DNAJC1: variants seen among roughly 807,000 people sequenced by gnomAD.
DNAJC1 encodes the protein dnaJ homolog subfamily C member 1.
A neutral mutation model predicts 76.6 loss-of-function variants in DNAJC1; 58 were observed. The observed-to-expected ratio is 0.76, with a 90% CI of 0.61 to 0.94. The LOEUF (loss-of-function observed/expected upper bound fraction) is 0.94, where lower values mean the gene tolerates loss of function less well. DNAJC1 is among the 40% of genes least tolerant of loss of function. The pLI is 0.00. For missense variants in DNAJC1, 689 were observed against 677.3 expected, an observed-to-expected ratio of 1.02 and a Z score of -0.19; for synonymous variants, 258 against 267.9, an observed-to-expected ratio of 0.96 and a Z score of 0.36.
At chr10:21,926,505 A>AT (rs1364796075) in intron 3 of DNAJC1, among the ~76,000 whole-genome samples, 2 of 152,244 alleles carry the variant, frequency 1.3e-5, no homozygotes, top group South Asian at 2.1e-4. Context: ...ACCAAAATGC[A>AT]TTTTTTCATA....
chr10:21,955,933 T>G (rs1290256265), intron 1 of DNAJC1, among the ~76,000 whole-genome samples: 1 of 152,226 alleles, frequency 6.6e-6, no homozygotes, highest in Non-Finnish European at 1.5e-5. Flanking sequence ...TCTTAAAAAC[T>G]ACTTTAAAAA....
intron 8 of DNAJC1, among the ~76,000 whole-genome samples, chr10:21,859,471 T>C (rs919994914): frequency 3.3e-5 from 5 of 152,168 alleles, no homozygotes; most frequent in African/African-American, 1.2e-4. Flanking sequence ...AAAATAATGA[T>C]GAACATTTTA....
intron 9 of DNAJC1, among the ~76,000 whole-genome samples, chr10:21,795,073 G>C (rs1300978117): frequency 6.6e-6 from 1 of 151,876 alleles, no homozygotes; most frequent in Non-Finnish European, 1.5e-5. Context: ...GATTTGGGAT[G>C]TCTAACCTAT....
chr10:21,973,643 CA>C (rs1838016158), intron 1 of DNAJC1, among the ~76,000 whole-genome samples: 1 of 150,590 alleles, frequency 6.6e-6, no homozygotes, highest in Admixed American at 6.6e-5. Flanking sequence ...AACTGTGTTT[CA>C]AAACAAATGT....
At chr10:21,977,830 G>A (rs1017835484) in intron 1 of DNAJC1, among the ~76,000 whole-genome samples, 8 of 151,944 alleles carry the variant, frequency 5.3e-5, no homozygotes, top group Admixed American at 5.3e-4. Context: ...CTCTCTTTTG[G>A]AAAGCTGATG....
intron 8 of DNAJC1, among the ~76,000 whole-genome samples, chr10:21,828,797 A>C (rs988501321): frequency 6.6e-6 from 1 of 152,176 alleles, no homozygotes; most frequent in Admixed American, 6.5e-5. Context: ...ACTGACCTAC[A>C]CTTTTTCTTT....
intron 6 of DNAJC1, among the ~76,000 whole-genome samples, chr10:21,911,373 T>C (rs959146473): frequency 6.6e-6 from 1 of 151,516 alleles, no homozygotes; most frequent in Non-Finnish European, 1.5e-5. Flanking sequence ...TGTTCTCCCA[T>C]TGACTTATAC....
At chr10:21,899,759 T>A (rs1022880510) in intron 7 of DNAJC1, among the ~76,000 whole-genome samples, 1 of 152,178 alleles carries the variant, frequency 6.6e-6, no homozygotes, top group Non-Finnish European at 1.5e-5. Flanking sequence ...TTTGGTAGAA[T>A]AGGTATCCTG....
chr10:21,803,744 A>G (rs757924588), intron 9 of DNAJC1: 186 of 727,106 alleles, frequency 2.6e-4, no homozygotes, highest in Non-Finnish European at 2.9e-4. Context: ...GGGTCTATAT[A>G]TATATTGACA....
intron 8 of DNAJC1, among the ~76,000 whole-genome samples, chr10:21,834,803 T>C (rs1489355091): frequency 1.3e-5 from 2 of 152,166 alleles, no homozygotes; most frequent in African/African-American, 4.8e-5. Flanking sequence ...AGTTAGTTGT[T>C]TGATTAGGTA....
chr10:21,947,247 T>C (rs1477817266), intron 1 of DNAJC1, among the ~76,000 whole-genome samples: 1 of 152,200 alleles, frequency 6.6e-6, no homozygotes, highest in Non-Finnish European at 1.5e-5. Flanking sequence ...TAAAAAAATC[T>C]ATATCAGAAT....
Position 21,904,568 on chromosome 10 carries a change from C to G in DNAJC1, c.774G>C (p.Lys258Asn), listed in dbSNP as rs200289319. The G allele has an allele frequency of 5.3e-5, 85 of 1,607,792 alleles. 1 individual carries two copies. In the Admixed American group the frequency reaches 1.3e-3, roughly 24 times the overall value. Residue 258 changes from lysine (K) to asparagine (N), a missense_variant, in exon 7 of 12, where the codon AAG (lysine) becomes AAC (asparagine). Coordinates refer to ENST00000376980, the MANE Select transcript of DNAJC1 (RefSeq NM_022365.4). ...TTCTAGTCAGTGCATCTTCCTTTTC[C>G]TTCAATCTTGTTTCTTTATATTTAG... ...FYAKYKETRL[K>N]EKEDALTRTE... is the part of the protein sequence containing the mutation.
chr10:21,924,984 A>AT (rs1222984048), intron 3 of DNAJC1, among the ~76,000 whole-genome samples: 1 of 152,058 alleles, frequency 6.6e-6, no homozygotes, highest in East Asian at 1.9e-4. Flanking sequence ...AGCACTGGGT[A>AT]TTTTTGTTGC....
At chr10:21,803,589 C>CTGTG (rs113615504) in intron 9 of DNAJC1, among the ~76,000 whole-genome samples, 6,181 of 140,662 alleles carry the variant, frequency 0.044, 316 homozygotes, top group African/African-American at 0.13. Context: ...GAGTGATTTT[C>CTGTG]TGTGTGTGTG....
chr10:21,928,435 A>C lies in DNAJC1; in HGVS notation c.371+71T>G, dbSNP rs1260083231. On this transcript the variant is annotated intron_variant, in intron 3 of 11. Transcript: ENST00000376980. The stretch of plus-strand genomic sequence containing the variant: ...TAACATAATAATAAAATGTTTAAGA[A>C]GACTTAATTCTTTATAAACTGTAGC... The C allele has an allele frequency of 2.3e-6, 3 of 1,292,704 alleles. No homozygotes were observed. In the South Asian group the frequency reaches 4.0e-5, roughly 17 times the overall value. 80.1% of individuals were successfully genotyped at this position (1,292,704 alleles called of 1,614,324 possible).
At chr10:21,987,752 C>G (rs1022958193) in intron 1 of DNAJC1, among the ~76,000 whole-genome samples, 3 of 151,938 alleles carry the variant, frequency 2.0e-5, no homozygotes, top group African/African-American at 7.3e-5. Context: ...AATTGTACAA[C>G]ACTCTTCTTT....
chr10:21,876,399 A>G (rs1381540067), intron 8 of DNAJC1, among the ~76,000 whole-genome samples: 1 of 152,112 alleles, frequency 6.6e-6, no homozygotes, highest in African/African-American at 2.4e-5. Context: ...GGCATGAGCT[A>G]CTGTGCCCAG....
At chr10:21,950,579 T>C (rs1837577934) in intron 1 of DNAJC1, among the ~76,000 whole-genome samples, 2 of 152,074 alleles carry the variant, frequency 1.3e-5, no homozygotes, top group Non-Finnish European at 2.9e-5. Context: ...AGTCAAAAGC[T>C]AGAAATGATT....
At chr10:21,880,014 T>C (rs760402329) in intron 8 of DNAJC1, among the ~76,000 whole-genome samples, 1 of 152,238 alleles carries the variant, frequency 6.6e-6, no homozygotes, top group Non-Finnish European at 1.5e-5. Flanking sequence ...CAGTGAAGCT[T>C]ACAGAATATT....
Sources: gnomAD v4.1 joint callset for allele counts (sites outside exome capture counted in the v4.1 genomes callset) on GRCh38, gnomAD v4.1.1 for gene constraint, MANE v1.5 for transcripts, NCBI Gene and HGNC (gene_info 2026-07-23, HGNC 2026-07-21) for gene names.